Variants in PLPPR4 observed in about 807,000 individuals in gnomAD.
PLPPR4 encodes phospholipid phosphatase related 4, also known as phospholipid phosphatase-related protein type 4.
PLPPR4 carries 24 observed loss-of-function variants against 56.6 expected under a neutral mutation model. The ratio of observed to expected loss-of-function variants is 0.42; its 90% CI spans 0.31 to 0.60. The LOEUF (loss-of-function observed/expected upper bound fraction) is 0.60, where lower values mean the gene tolerates loss of function less well. Among genes scored for constraint, PLPPR4 ranks in the 20% least tolerant of loss-of-function variants. PLPPR4 has a pLI of 0.13. For missense variants in PLPPR4, 654 were observed against 885.8 expected (o/e 0.74, Z 3.32); for synonymous variants, 326 against 328.1 (o/e 0.99, Z 0.07).
intron 1 of PLPPR4, among the ~76,000 whole-genome samples, chr1:99,283,822 C>T (rs577013672): frequency 3.3e-5 from 5 of 152,040 alleles, no homozygotes; most frequent in African/African-American, 9.7e-5. Context: ...TGTGGTGGCA[C>T]GCTCCTGTAG....
rs183424839 is a variant in PLPPR4 at position 99,266,762 on chromosome 1, A to T, written c.78+2091A>T. ...TGGATTGCAAATTATCTTCCTAAAAATTAAATGCATGATGAACCACTAAAG... is the reference window on the plus strand; with the variant it reads ...TGGATTGCAAATTATCTTCCTAAAATTTAAATGCATGATGAACCACTAAAG... On this transcript the variant is annotated intron_variant, in intron 1 of 6. Transcript: ENST00000370185. Among the ~76,000 whole-genome samples the T allele has an allele frequency of 3.9e-5, 6 of 152,374 alleles. No individual in the cohort carries two copies. In the South Asian group the frequency reaches 8.3e-4, roughly 21 times the overall value.
chr1:99,271,899 AGTGTGTGTGTGTGTGT>A lies in PLPPR4; in HGVS notation c.78+7258_78+7273del, dbSNP rs553822029. The stretch of plus-strand genomic sequence containing the variant: ...ATTAGAAAATTGAAGGTAGGAGTGA[AGTGTGTGTGTGTGTGT>A]GTGTGTGTGTGTGTGTGTGTGTGTG... On this transcript the variant is annotated intron_variant, in intron 1 of 6. Transcript: ENST00000370185. Among the ~76,000 whole-genome samples, 7 of 118,056 alleles carry A rather than the reference AGTGTGTGTGTGTGTGT, an allele frequency of 5.9e-5. No individual in the cohort carries two copies. The East Asian group carries it at 1.1e-3, about 19-fold the overall frequency. 77.4% of individuals were successfully genotyped at this position (118,056 alleles called of 152,430 possible).
intron 1 of PLPPR4, among the ~76,000 whole-genome samples, chr1:99,281,144 T>C (rs1659313282): frequency 6.6e-6 from 1 of 152,044 alleles, no homozygotes; most frequent in Non-Finnish European, 1.5e-5. Context: ...CAGTATTAGA[T>C]GGCAATGTAA....
intron 1 of PLPPR4, among the ~76,000 whole-genome samples, chr1:99,266,773 G>C (rs914009967): frequency 6.6e-6 from 1 of 152,214 alleles, no homozygotes; most frequent in African/African-American, 2.4e-5. Context: ...TTAAATGCAT[G>C]ATGAACCACT....
chr1:99,274,429 A>G (rs992954440), intron 1 of PLPPR4, among the ~76,000 whole-genome samples: 1 of 152,102 alleles, frequency 6.6e-6, no homozygotes, highest in Admixed American at 6.6e-5. Context: ...CATCTTGTCT[A>G]AAGTAAACTT....
chr1:99,283,387 A>G (rs557111941), intron 1 of PLPPR4, among the ~76,000 whole-genome samples: 1 of 152,316 alleles, frequency 6.6e-6, no homozygotes, highest in South Asian at 2.1e-4. Flanking sequence ...TAGATAAAAT[A>G]TCATGATAGT....
At chr1:99,273,773 A>G (rs1659115155) in intron 1 of PLPPR4, among the ~76,000 whole-genome samples, 1 of 152,132 alleles carries the variant, frequency 6.6e-6, no homozygotes, top group East Asian at 1.9e-4. Flanking sequence ...ATAAATTTTA[A>G]CTGGATGTAA....
In PLPPR4 at chr1:99,306,140, C is replaced by G; in HGVS notation, c.1278C>G (p.Pro426=). 2.5e-6 allele frequency: 4 copies of G among 1,614,058 alleles called. No homozygotes were observed. The highest frequency in any genetic ancestry group is 3.4e-6 in the Non-Finnish European group (4 of 1,179,990). ...VIEPEPGQSP[P]RSIEMRSSSE... is the part of the protein sequence containing the mutation. ...AGCCTGAGCCTGGGCAGTCACCACC[C>G]AGATCCATAGAAATGAGGTCAAGCT... Residue 426 remains proline, a synonymous_variant, in exon 7 of 7, where the codon CCC becomes CCG. Coordinates refer to ENST00000370185, the MANE Select transcript of PLPPR4 (RefSeq NM_014839.5). This position sits in a 1 kb window ranked among gnomAD's most constrained non-coding sequence, Gnocchi z 4.0.
chr1:99,277,630 G>T (rs1052033547), intron 1 of PLPPR4, among the ~76,000 whole-genome samples: 1 of 151,762 alleles, frequency 6.6e-6, no homozygotes, highest in Non-Finnish European at 1.5e-5. Context: ...CAATGATTTT[G>T]CCATTCTTCT....
chr1:99,296,830 C>T lies in PLPPR4; in HGVS notation c.357C>T (p.Asn119=), dbSNP rs1405291193. 6.3e-7 allele frequency: 1 copy of T among 1,592,786 alleles called. No individual in the cohort carries two copies. The highest frequency in any genetic ancestry group is 8.6e-7 in the Non-Finnish European group (1 of 1,165,810). ...CCAACATTAATGCTGGAGGCTGCAACTTCAATTCCTTCCTCAGACGAGCTG... is the reference window on the plus strand; with the variant it reads ...CCAACATTAATGCTGGAGGCTGCAATTTCAATTCCTTCCTCAGACGAGCTG... ...LEPNINAGGC[N]FNSFLRRAVR... Residue 119 remains asparagine (N), a synonymous_variant, in exon 3 of 7, where the codon AAC becomes AAT. Coordinates refer to ENST00000370185, the MANE Select transcript of PLPPR4 (RefSeq NM_014839.5).
chr1:99,293,492 CTA>C (rs926053640), intron 2 of PLPPR4, among the ~76,000 whole-genome samples: 1 of 151,830 alleles, frequency 6.6e-6, no homozygotes, highest in African/African-American at 2.4e-5. Context: ...ACAAGAAAGA[CTA>C]TTTGGGTTTA....
chr1:99,300,189 T>C lies in PLPPR4; in HGVS notation c.591-720T>C, dbSNP rs150587170. 1.6e-4 allele frequency among the ~76,000 whole-genome samples: 24 copies of C among 152,146 alleles called. No homozygotes were observed. In the East Asian group the frequency reaches 4.6e-3, roughly 29 times the overall value. The stretch of plus-strand genomic sequence containing the variant: ...TCTTGTTTATCATGGTACCAAATAA[T>C]TAGGAAGGCACTAATTTAAGTGAAT... On this transcript the variant is annotated intron_variant, in intron 4 of 6. Transcript: ENST00000370185.
chr1:99,273,029 T>C (rs187349028), intron 1 of PLPPR4, among the ~76,000 whole-genome samples: 337 of 152,286 alleles, frequency 2.2e-3, no homozygotes, highest in Non-Finnish European at 3.7e-3. Flanking sequence ...TTTTATGGTA[T>C]GAATTAGCTG....
chr1:99,270,732 C>T (rs1659036217), intron 1 of PLPPR4, among the ~76,000 whole-genome samples: 1 of 152,148 alleles, frequency 6.6e-6, no homozygotes, highest in African/African-American at 2.4e-5. Flanking sequence ...GTAGGAAATA[C>T]AAAATCACAT....
At chr1:99,278,873 T>A (rs1304319394) in intron 1 of PLPPR4, among the ~76,000 whole-genome samples, 1 of 152,224 alleles carries the variant, frequency 6.6e-6, no homozygotes, top group African/African-American at 2.4e-5. Context: ...ATACATCTAT[T>A]AGGTGAGGTA....
At chr1:99,289,493 A>G (rs1448326212) in intron 2 of PLPPR4, among the ~76,000 whole-genome samples, 1 of 152,110 alleles carries the variant, frequency 6.6e-6, no homozygotes, top group Non-Finnish European at 1.5e-5. Flanking sequence ...TTAATGAGTT[A>G]TTCTATAGTG....
chr1:99,302,360 A>C (rs1414874873), intron 6 of PLPPR4, among the ~76,000 whole-genome samples: 1 of 152,112 alleles, frequency 6.6e-6, no homozygotes, highest in Non-Finnish European at 1.5e-5. Flanking sequence ...CCTCTAAGGG[A>C]AATATCCTCA....
rs1189860396 is a variant in PLPPR4 at position 99,299,168 on chromosome 1, A to G, written c.528A>G (p.Glu176=). The change falls in exon 4 of 7, where the codon GAA becomes GAG. Residue 176 remains glutamate, a synonymous_variant. Transcript: ENST00000370185. ...CCTCTCTGAATGTATCTTGCAAAGA[A>G]AATTCCTACATTGTGGAAGATATTT... ...NYTSLNVSCK[E]NSYIVEDICS... is the part of the protein sequence containing the mutation. The G allele has an allele frequency of 1.2e-5, 19 of 1,613,462 alleles. No homozygotes were observed. The highest frequency in any genetic ancestry group is 1.6e-5 in the Non-Finnish European group (19 of 1,179,654).
upstream of PLPPR4, chr1:99,264,444 C>A (rs1274144618): frequency 5.4e-6 from 8 of 1,473,110 alleles, no homozygotes; most frequent in South Asian, 2.7e-5. Flanking sequence ...AAGGCGGGGG[C>A]GCTGCATGCA....
Sources: gnomAD v4.1 joint callset for allele counts (sites outside exome capture counted in the v4.1 genomes callset) on GRCh38, gnomAD v4.1.1 for gene constraint, Gnocchi (gnomAD v3.1) non-coding constraint, MANE v1.5 for transcripts, NCBI Gene and HGNC (gene_info 2026-07-23, HGNC 2026-07-21) for gene names.